The following AKAP6 variants were observed in gnomAD, a reference collection of about 807,000 sequenced individuals.
The protein encoded by AKAP6 is A-kinase anchoring protein 6, also known as A-kinase anchor protein 6.
A neutral mutation model predicts 188.5 loss-of-function variants in AKAP6; 58 were observed. The observed-to-expected ratio is 0.31, with a 90% CI of 0.25 to 0.38. The LOEUF is 0.38. Among genes scored for constraint, AKAP6 ranks in the 10% least tolerant of loss-of-function variants. The pLI is 1.00. For missense variants in AKAP6, 2,710 were observed against 2,740.0 expected, an observed-to-expected ratio of 0.99 and a Z score of 0.24; for synonymous variants, 989 against 998.6, an observed-to-expected ratio of 0.99 and a Z score of 0.18.
intron 1 of AKAP6, among the ~76,000 whole-genome samples, chr14:32,362,221 C>A (rs1293733824): frequency 2.6e-5 from 4 of 152,138 alleles, no homozygotes; most frequent in Non-Finnish European, 5.9e-5. Flanking sequence ...GAAGACCCCA[C>A]AACAATCTTC....
At position 32,823,909 on chromosome 14, in the gene AKAP6, T is replaced by C; in HGVS notation, c.6096T>C (p.Ser2032=). 2 of 1,613,938 alleles carry C rather than the reference T, an allele frequency of 1.2e-6. No homozygotes were observed. The highest frequency in any genetic ancestry group is 1.1e-5 in the South Asian group (1 of 91,082). Residue 2032 remains serine, a synonymous_variant, in exon 13 of 14, where the codon TCT becomes TCC. Transcript: ENST00000280979. ...LEQNGTEENA[S]ISNISCCNCE... The stretch of plus-strand genomic sequence containing the variant: ...AAAACGGAACAGAGGAAAATGCTTC[T>C]ATCAGCAACATTTCCTGTTGCAACT...
At chr14:32,781,937 T>A in intron 12 of AKAP6, among the ~76,000 whole-genome samples, 1 of 151,740 alleles carries the variant, frequency 6.6e-6, no homozygotes, top group Non-Finnish European at 1.5e-5. Context: ...CCGAGGTGGG[T>A]GGATCACTTG....
intron 7 of AKAP6, 140 bp from the exon 8 acceptor site, chr14:32,678,171 C>T: frequency 1.3e-6 from 1 of 771,820 alleles, no homozygotes. Flanking sequence ...TGTAATATGC[C>T]CAACTGATCC....
intron 11 of AKAP6, among the ~76,000 whole-genome samples, chr14:32,760,864 T>C (rs1418612905): frequency 2.0e-5 from 3 of 152,216 alleles, no homozygotes; most frequent in Admixed American, 6.5e-5. Flanking sequence ...TTGACTAATA[T>C]TTAGTCAATA....
At chr14:32,527,412 G>A (rs567674461) in intron 2 of AKAP6, among the ~76,000 whole-genome samples, 4 of 152,084 alleles carry the variant, frequency 2.6e-5, no homozygotes, top group Admixed American at 6.5e-5. Context: ...GAATAAAGCC[G>A]CTATAAACAT....
At chr14:32,571,781 A>C (rs1884500544) in intron 4 of AKAP6, among the ~76,000 whole-genome samples, 1 of 152,202 alleles carries the variant, frequency 6.6e-6, no homozygotes, top group African/African-American at 2.4e-5. Context: ...GCCTTCTGAG[A>C]ACTAAGGGCC....
At chr14:32,586,864 T>C (rs1301988219) in intron 5 of AKAP6, among the ~76,000 whole-genome samples, 2 of 152,224 alleles carry the variant, frequency 1.3e-5, no homozygotes, top group Non-Finnish European at 2.9e-5. Flanking sequence ...AAATTCATCA[T>C]GTTGGGTACT....
chr14:32,500,584 G>A (rs1880561129), intron 2 of AKAP6, among the ~76,000 whole-genome samples: 1 of 152,136 alleles, frequency 6.6e-6, no homozygotes, highest in Non-Finnish European at 1.5e-5. Context: ...AATTGGTATG[G>A]TGTTGCCAGT....
rs187104117 is a variant in AKAP6, at chr14:32,712,546, C to T, written c.3000+16436C>T. On this transcript the variant is annotated intron_variant, in intron 9 of 13. Coordinates refer to ENST00000280979, the MANE Select transcript of AKAP6 (RefSeq NM_004274.5). ...TTAATCCTCTCAAACCCTGCCGCTG[C>T]TTTATCAACTAAGCTTATGTAATAT... 2.4e-4 allele frequency among the ~76,000 whole-genome samples: 36 copies of T among 152,202 alleles called. No homozygotes were observed. The East Asian group carries it at 7.0e-3, about 29-fold the overall frequency.
intron 3 of AKAP6, among the ~76,000 whole-genome samples, chr14:32,542,027 A>C (rs986926016): frequency 5.3e-5 from 8 of 152,202 alleles, no homozygotes; most frequent in African/African-American, 1.7e-4. Flanking sequence ...GTGAACATTC[A>C]TTGAGCACTC....
chr14:32,579,606 A>C (rs1884875999), intron 5 of AKAP6, among the ~76,000 whole-genome samples: 1 of 152,134 alleles, frequency 6.6e-6, no homozygotes, highest in Non-Finnish European at 1.5e-5. Context: ...AGCTACTGTT[A>C]CACTGGATGC....
At chr14:32,494,426 C>T (rs926259928) in intron 2 of AKAP6, 1 of 152,100 alleles carries the variant, frequency 6.6e-6, no homozygotes, top group Admixed American at 6.5e-5. Context: ...TTGCTAATTT[C>T]TTTTCTTTTC....
chr14:32,695,754 C>T (rs370984369), intron 8 of AKAP6, among the ~76,000 whole-genome samples: 6 of 152,106 alleles, frequency 3.9e-5, no homozygotes, highest in East Asian at 3.9e-4. Context: ...ATAGCCATAA[C>T]GTGTCTCAGG....
In AKAP6 at chr14:32,736,965, A is replaced by T. The variant is rs145000140; in HGVS notation, c.3372+1083A>T. Among the ~76,000 whole-genome samples, 70 of 152,304 alleles carry T rather than the reference A, an allele frequency of 4.6e-4. No homozygotes were observed. In the East Asian group the frequency reaches 0.012, roughly 27 times the overall value. On this transcript the variant is annotated intron_variant, in intron 11 of 13. Coordinates refer to ENST00000280979, the MANE Select transcript of AKAP6 (RefSeq NM_004274.5). Reference sequence around the variant, plus strand: ...TTCATTGAAAACCTCCTCTTCTGCCACTTAACTGACAGACTAAACTGGAAG... The same window carrying T: ...TTCATTGAAAACCTCCTCTTCTGCCTCTTAACTGACAGACTAAACTGGAAG...
intron 8 of AKAP6, among the ~76,000 whole-genome samples, chr14:32,686,954 T>C (rs1889951891): frequency 1.3e-5 from 2 of 152,164 alleles, no homozygotes; most frequent in Non-Finnish European, 2.9e-5. Flanking sequence ...AACACAGGAA[T>C]AGTTCATCCC....
At chr14:32,573,457 A>G (rs1884582406) in intron 4 of AKAP6, among the ~76,000 whole-genome samples, 1 of 152,196 alleles carries the variant, frequency 6.6e-6, no homozygotes, top group Non-Finnish European at 1.5e-5. Flanking sequence ...CGATACAGAT[A>G]TAATAATTTC....
chr14:32,644,009 T>C (rs1006259744), intron 7 of AKAP6, among the ~76,000 whole-genome samples: 1 of 152,210 alleles, frequency 6.6e-6, no homozygotes, highest in African/African-American at 2.4e-5. Context: ...TAATGAGTCT[T>C]GTGATGCTCA....
At chr14:32,691,540 T>C (rs1890178189) in intron 8 of AKAP6, among the ~76,000 whole-genome samples, 1 of 152,096 alleles carries the variant, frequency 6.6e-6, no homozygotes, top group Non-Finnish European at 1.5e-5. Flanking sequence ...ACAAAGAAAT[T>C]CAATAATTTA....
intron 7 of AKAP6, among the ~76,000 whole-genome samples, chr14:32,666,442 C>T (rs925903294): frequency 1.3e-5 from 2 of 152,026 alleles, no homozygotes; most frequent in Non-Finnish European, 2.9e-5. Context: ...GATATAGGAT[C>T]ATTTCCTGTT....
Sources: gnomAD v4.1 joint callset for allele counts (sites outside exome capture counted in the v4.1 genomes callset) on GRCh38, gnomAD v4.1.1 for gene constraint, MANE v1.5 for transcripts, NCBI Gene and HGNC (gene_info 2026-07-23, HGNC 2026-07-21) for gene names.